Variants in KIRREL3 observed in about 807,000 individuals in gnomAD.
KIRREL3 encodes the protein kin of IRRE-like protein 3.
KIRREL3 carries 36 observed loss-of-function variants against 89.7 expected under a neutral mutation model. The observed-to-expected ratio is 0.40, with a 90% CI of 0.31 to 0.53. The LOEUF is 0.53. Ranked by LOEUF, KIRREL3 falls within the 20% of genes least tolerant of loss-of-function variation. KIRREL3 has a pLI of 0.49. For missense variants in KIRREL3, 864 were observed against 1,056.6 expected (o/e 0.82, Z 2.53); for synonymous variants, 445 against 441.4 (o/e 1.01, Z -0.10).
rs1186257121 is a variant in KIRREL3 at position 126,541,212 on chromosome 11, GC to G, written c.134-14526del. Among the ~76,000 whole-genome samples the G allele has an allele frequency of 1.3e-5, 2 of 152,180 alleles. No homozygotes were observed. The highest frequency in any genetic ancestry group is 2.9e-5 in the Non-Finnish European group (2 of 68,038). On this transcript the variant is annotated intron_variant, in intron 2 of 16. Transcript: ENST00000525144. The surrounding 1 kb of genome is among the most constrained non-coding windows in gnomAD (Gnocchi z 4.8). ...AAGGGGTACTGTATGGACACATGAA[GC>G]TTTGTCCTTGTCCTGGGCCCAGAAG...
At chr11:126,698,631 T>A (rs1258663302) in intron 1 of KIRREL3, among the ~76,000 whole-genome samples, 2 of 152,214 alleles carry the variant, frequency 1.3e-5, no homozygotes, top group East Asian at 3.9e-4. Context: ...TTCTGCTGCG[T>A]GAGGAGGAAG....
chr11:126,448,501 C>T (rs747578307), intron 8 of KIRREL3, among the ~76,000 whole-genome samples: 14 of 152,210 alleles, frequency 9.2e-5, no homozygotes, highest in South Asian at 4.2e-4. Context: ...TTGTGTCCCC[C>T]GTCAACCCTG....
chr11:126,493,654 C>CA (rs5795499), intron 4 of KIRREL3, among the ~76,000 whole-genome samples: 3,343 of 82,208 alleles, frequency 0.041, 195 homozygotes, highest in Middle Eastern at 0.099. Context: ...GACTCTGTCT[C>CA]AAAAAAAAAA....
At position 126,843,259 on chromosome 11, in the gene KIRREL3, G is replaced by A. The variant is rs1316743126; in HGVS notation, c.55+157196C>T. 6.6e-6 allele frequency among the ~76,000 whole-genome samples: 1 copy of A among 152,176 alleles called. No homozygotes were observed. The highest frequency in any genetic ancestry group is 1.5e-5 in the Non-Finnish European group (1 of 68,038). ...AACCCACTGATGCAGTTCAAACTGT[G>A]TCCCCATCAGTATGAAAGGCAAGTT... On this transcript the variant is annotated intron_variant, in intron 1 of 16. Transcript: ENST00000525144. This position sits in a 1 kb window ranked among gnomAD's most constrained non-coding sequence, Gnocchi z 4.6.
At position 126,668,325 on chromosome 11, in the gene KIRREL3, C is replaced by G. The variant is rs1945756610; in HGVS notation, c.56-105413G>C. ...CATTCATGAACTCCGTTTTCATGAC[C>G]TAATCACCTCCCAAAGGCCTCACCT... On this transcript the variant is annotated intron_variant, in intron 1 of 16. Transcript: ENST00000525144. The surrounding 1 kb of genome is among the most constrained non-coding windows in gnomAD (Gnocchi z 4.4). Among the ~76,000 whole-genome samples the G allele has an allele frequency of 6.6e-6, 1 of 152,178 alleles. No homozygotes were observed. The highest frequency in any genetic ancestry group is 1.9e-4 in the East Asian group (1 of 5,192).
chr11:126,785,221 T>A (rs754319453), intron 1 of KIRREL3, among the ~76,000 whole-genome samples: 2 of 152,228 alleles, frequency 1.3e-5, no homozygotes, highest in Non-Finnish European at 2.9e-5. Context: ...TTTTGTCATT[T>A]ACACGTGGCG....
At chr11:126,548,210 A>T (rs1456929313) in intron 2 of KIRREL3, among the ~76,000 whole-genome samples, 1 of 152,028 alleles carries the variant, frequency 6.6e-6, no homozygotes, top group Non-Finnish European at 1.5e-5. Flanking sequence ...TTATATGCCC[A>T]TCTCCCCAAT....
At chr11:126,631,775 C>G (rs1944035711) in intron 1 of KIRREL3, among the ~76,000 whole-genome samples, 1 of 152,194 alleles carries the variant, frequency 6.6e-6, no homozygotes, top group South Asian at 2.1e-4. Flanking sequence ...TCACAAAAGG[C>G]AGAAATTATT....
At chr11:126,731,761 C>T (rs911263014) in intron 1 of KIRREL3, among the ~76,000 whole-genome samples, 17 of 152,240 alleles carry the variant, frequency 1.1e-4, no homozygotes, top group African/African-American at 3.9e-4. Flanking sequence ...TAGAGAACAA[C>T]AAGAAACTAA....
In KIRREL3 at chr11:126,843,100, T is replaced by C. The variant is rs1451715499; in HGVS notation, c.55+157355A>G. Among the ~76,000 whole-genome samples the C allele has an allele frequency of 1.3e-5, 2 of 152,152 alleles. No individual in the cohort carries two copies. Among genetic ancestry groups the C allele is most frequent in the Admixed American group, 1.3e-4 (2 of 15,274 alleles). On this transcript the variant is annotated intron_variant, in intron 1 of 16. Coordinates refer to ENST00000525144, the MANE Select transcript of KIRREL3 (RefSeq NM_032531.4). This position sits in a 1 kb window ranked among gnomAD's most constrained non-coding sequence, Gnocchi z 4.6. ...GCTGGCTCACATTTCTATATAACAG[T>C]GTCCTCGTTCTCACCTGCCCTTTAG...
chr11:126,855,475 C>T (rs1169413398), intron 1 of KIRREL3, among the ~76,000 whole-genome samples: 1 of 152,226 alleles, frequency 6.6e-6, no homozygotes, highest in African/African-American at 2.4e-5. Flanking sequence ...TCAACAAAAC[C>T]TCTTTTCTTT....
chr11:126,468,888 C>A (rs1178501224), intron 5 of KIRREL3, among the ~76,000 whole-genome samples: 1 of 152,174 alleles, frequency 6.6e-6, no homozygotes, highest in Admixed American at 6.5e-5. Flanking sequence ...TTACGGATCC[C>A]AGGTTTGAGC....
intron 1 of KIRREL3, among the ~76,000 whole-genome samples, chr11:126,631,847 C>A (rs1043111795): frequency 6.6e-6 from 1 of 152,156 alleles, no homozygotes; most frequent in Non-Finnish European, 1.5e-5. Flanking sequence ...AGTCAGGAAG[C>A]CTGGATGCAG....
intron 1 of KIRREL3, among the ~76,000 whole-genome samples, chr11:126,661,886 G>A (rs557926454): frequency 6.6e-6 from 1 of 152,304 alleles, no homozygotes; most frequent in Non-Finnish European, 1.5e-5. Flanking sequence ...GGGAAAACAG[G>A]AGGCTCTGGC....
At chr11:126,720,358 G>A (rs1000108657) in intron 1 of KIRREL3, among the ~76,000 whole-genome samples, 1 of 152,192 alleles carries the variant, frequency 6.6e-6, no homozygotes, top group South Asian at 2.1e-4. Flanking sequence ...TGCAGGAGAT[G>A]CCATGTTTGC....
rs1039298114 is a variant in KIRREL3 at position 126,755,464 on chromosome 11, C to T, written c.56-192552G>A. On this transcript the variant is annotated intron_variant, in intron 1 of 16. Coordinates refer to ENST00000525144, the MANE Select transcript of KIRREL3 (RefSeq NM_032531.4). The surrounding 1 kb of genome is among the most constrained non-coding windows in gnomAD (Gnocchi z 4.3). ...GTGGAAAATCAATACTACTCTGATGCGAAATGAGAACCGGACTGGATAAAG... is the reference window on the plus strand; with the variant it reads ...GTGGAAAATCAATACTACTCTGATGTGAAATGAGAACCGGACTGGATAAAG... Among the ~76,000 whole-genome samples the T allele has an allele frequency of 1.3e-5, 2 of 151,966 alleles. No individual in the cohort carries two copies. The highest frequency in any genetic ancestry group is 4.8e-5 in the African/African-American group (2 of 41,372).
rs914538235 is a variant in KIRREL3, at chr11:126,950,241, C to T, written c.55+50214G>A. ...ACAAAAATTTAGCCAGGCATGGTGG[C>T]GAGCACTCCCAGCTACTCAGGAGGC... On this transcript the variant is annotated intron_variant, in intron 1 of 16. Coordinates refer to ENST00000525144, the MANE Select transcript of KIRREL3 (RefSeq NM_032531.4). Among the ~76,000 whole-genome samples the T allele has an allele frequency of 2.6e-5, 4 of 152,198 alleles. No individual in the cohort carries two copies. The East Asian group carries it at 7.8e-4, about 30-fold the overall frequency.
At chr11:126,435,380 T>A in intron 12 of KIRREL3, 77 bp from the exon 13 acceptor site, 1 of 1,454,988 alleles carries the variant, frequency 6.9e-7, no homozygotes, top group Non-Finnish European at 9.6e-7. Context: ...ATTAGCTGCT[T>A]GAGCGGGGCT....
chr11:126,636,893 A>G lies in KIRREL3; in HGVS notation c.56-73981T>C, dbSNP rs1473175589. 6.6e-6 allele frequency among the ~76,000 whole-genome samples: 1 copy of G among 152,244 alleles called. No homozygotes were observed. The highest frequency in any genetic ancestry group is 1.5e-5 in the Non-Finnish European group (1 of 68,046). On this transcript the variant is annotated intron_variant, in intron 1 of 16. Coordinates refer to ENST00000525144, the MANE Select transcript of KIRREL3 (RefSeq NM_032531.4). The surrounding 1 kb of genome is among the most constrained non-coding windows in gnomAD (Gnocchi z 4.4). ...ATGCCATTGTCACATCAATACAATG[A>G]AAGTAACACCTATATCATGGCATTA...
Sources: allele counts gnomAD v4.1 joint callset (sites outside exome capture counted in the v4.1 genomes callset), GRCh38; gene constraint gnomAD v4.1.1; non-coding constraint Gnocchi (gnomAD v3.1); transcripts MANE v1.5; gene names NCBI Gene and HGNC (gene_info 2026-07-23, HGNC 2026-07-21).